ADGRG7: variants seen among roughly 807,000 people sequenced by gnomAD.
The protein encoded by ADGRG7 is adhesion G protein-coupled receptor G7.
In ADGRG7, 82 loss-of-function variants were observed where a neutral mutation model predicts 88.6. The ratio of observed to expected loss-of-function variants is 0.93; its 90% CI spans 0.77 to 1.11. The LOEUF (loss-of-function observed/expected upper bound fraction) is 1.11, where lower values mean the gene tolerates loss of function less well. ADGRG7 is among the 50% of genes most tolerant of loss of function. The pLI is 0.00. For missense variants in ADGRG7, 945 were observed against 953.4 expected (o/e 0.99, Z 0.12); for synonymous variants, 381 against 345.2 (o/e 1.10, Z -1.15).
chr3:100,691,795 G>A (rs1265497129), intron 15 of ADGRG7, among the ~76,000 whole-genome samples: 1 of 151,348 alleles, frequency 6.6e-6, no homozygotes, highest in Non-Finnish European at 1.5e-5. Context: ...TAAAAATATT[G>A]TTTTGTAAAT....
intron 1 of ADGRG7, among the ~76,000 whole-genome samples, chr3:100,620,461 G>C (rs1707295346): frequency 6.6e-6 from 1 of 152,168 alleles, no homozygotes; most frequent in South Asian, 2.1e-4. Flanking sequence ...CATACTGAAT[G>C]GGCAAAAACT....
chr3:100,668,073 G>A (rs182531671), intron 14 of ADGRG7, among the ~76,000 whole-genome samples: 2 of 152,280 alleles, frequency 1.3e-5, no homozygotes, highest in East Asian at 3.9e-4. Flanking sequence ...CAGGTGAGGT[G>A]ACACCCCACC....
intron 15 of ADGRG7, among the ~76,000 whole-genome samples, chr3:100,682,371 G>A (rs954884578): frequency 5.9e-5 from 9 of 152,310 alleles, no homozygotes; most frequent in South Asian, 2.1e-4. Flanking sequence ...CAGGGGACCG[G>A]GGTGGGAAGT....
At chr3:100,684,574 G>C (rs1576339528) in intron 15 of ADGRG7, among the ~76,000 whole-genome samples, 1 of 152,042 alleles carries the variant, frequency 6.6e-6, no homozygotes, top group African/African-American at 2.4e-5. Flanking sequence ...GGCCAGTTTT[G>C]CCATTTTATT....
intron 1 of ADGRG7, among the ~76,000 whole-genome samples, chr3:100,610,704 G>A (rs1011200708): frequency 6.6e-6 from 1 of 152,166 alleles, no homozygotes; most frequent in Admixed American, 6.5e-5. Context: ...TTGGGCTGTA[G>A]AGCTTCTCCG....
At position 100,678,354 on chromosome 3, in the gene ADGRG7, T is replaced by C. The variant is rs549369618; in HGVS notation, c.2136+9249T>C. On this transcript the variant is annotated intron_variant, in intron 15 of 15. Coordinates refer to ENST00000273352, the MANE Select transcript of ADGRG7 (RefSeq NM_032787.3). ...TCTCTGTGTTATCTTGAATTTTTGT[T>C]GTGCTTCCTCAAAATAGCTATTTTG... 2.0e-5 allele frequency among the ~76,000 whole-genome samples: 3 copies of C among 152,296 alleles called. No individual in the cohort carries two copies. In the South Asian group the frequency reaches 6.2e-4, roughly 32 times the overall value.
intron 1 of ADGRG7, among the ~76,000 whole-genome samples, chr3:100,616,581 C>G (rs576294167): frequency 6.6e-6 from 1 of 152,238 alleles, no homozygotes; most frequent in South Asian, 2.1e-4. Flanking sequence ...GGAGCTCAGG[C>G]TGGAGTGTCA....
chr3:100,688,999 T>C lies in ADGRG7; in HGVS notation c.2137-5745T>C, dbSNP rs190792976. Among the ~76,000 whole-genome samples, 376 of 152,292 alleles carry C rather than the reference T, an allele frequency of 2.5e-3. 3 individuals are homozygous for C. Among genetic ancestry groups the C allele is most frequent in the African/African-American group, 8.6e-3 (357 of 41,548 alleles). On this transcript the variant is annotated intron_variant, in intron 15 of 15. Transcript: ENST00000273352. ...GGGTGTTAAAATCTCCCGTTATTATTGTGTGGGAGTCTAAGTCTCTTTGTA... is the reference window on the plus strand; with the variant it reads ...GGGTGTTAAAATCTCCCGTTATTATCGTGTGGGAGTCTAAGTCTCTTTGTA...
At chr3:100,674,695 A>C (rs998029940) in intron 15 of ADGRG7, among the ~76,000 whole-genome samples, 7 of 151,638 alleles carry the variant, frequency 4.6e-5, no homozygotes, top group Admixed American at 2.6e-4. Flanking sequence ...CTCCTGCCTC[A>C]GCCTCCTGAG....
chr3:100,654,742 A>C, intron 11 of ADGRG7, 93 bp from the exon 12 acceptor site: 1 of 751,178 alleles, frequency 1.3e-6, no homozygotes, highest in African/African-American at 1.8e-5. Flanking sequence ...ATTGGGCAAT[A>C]ATATTCTTTG....
chr3:100,643,293 C>T lies in ADGRG7; in HGVS notation c.726C>T (p.Ser242=). Residue 242 remains serine, a synonymous_variant, in exon 7 of 16, where the codon TCC becomes TCT. Transcript: ENST00000273352. ...TTLIEQMETY[S]LSLGNQSVVE... is the part of the protein sequence containing the mutation. ...TTATTGAGCAAATGGAGACTTATTC[C>T]TTGTCTTTGGGTAATCAATCAGTGG... The T allele has an allele frequency of 6.2e-7, 1 of 1,613,334 alleles. No homozygotes were observed. The highest frequency in any genetic ancestry group is 8.5e-7 in the Non-Finnish European group (1 of 1,179,656).
chr3:100,616,517 A>G (rs1005568988), intron 1 of ADGRG7, among the ~76,000 whole-genome samples: 1 of 152,226 alleles, frequency 6.6e-6, no homozygotes, highest in Non-Finnish European at 1.5e-5. Flanking sequence ...AAAGGAGGTT[A>G]GAAATCATTA....
chr3:100,660,884 G>A (rs374164878), intron 14 of ADGRG7, among the ~76,000 whole-genome samples: 3 of 151,882 alleles, frequency 2.0e-5, no homozygotes, highest in African/African-American at 7.2e-5. Context: ...CCCAGGAGGT[G>A]GAGGTTGTGG....
At chr3:100,690,750 C>T (rs568905139) in intron 15 of ADGRG7, among the ~76,000 whole-genome samples, 64 of 149,234 alleles carry the variant, frequency 4.3e-4, no homozygotes, top group Admixed American at 8.6e-4. Flanking sequence ...GAGGAGTACC[C>T]GGCCATGTGA....
In ADGRG7 at chr3:100,626,868, G is replaced by T. The variant is rs144820461; in HGVS notation, c.116-2730G>T. ...TTCCAAGAATTTTATAATTTTTGAT[G>T]CTATTTTAAATGAAAATGATTTATG... On this transcript the variant is annotated intron_variant, in intron 1 of 15. Transcript: ENST00000273352. Among the ~76,000 whole-genome samples the T allele has an allele frequency of 1.1e-4, 16 of 152,260 alleles. No individual in the cohort carries two copies. The East Asian group carries it at 2.3e-3, about 22-fold the overall frequency.
chr3:100,659,801 T>TACATACATACATACATACA lies in ADGRG7; in HGVS notation c.1937_1938insACATACATACATACATACA (p.Ser647HisfsTer15). On this transcript the variant is annotated frameshift_variant, in exon 14 of 16. Coordinates refer to ENST00000273352, the MANE Select transcript of ADGRG7 (RefSeq NM_032787.3). LOFTEE classifies it high-confidence loss of function. ...AGCAATGTTGTTATGTTTATTACAA[T>TACATACATACATACATACA]CTCGATCAAAGTGCTGTGGAAGAAT... is the stretch of plus-strand genomic sequence containing the variant. 2 of 1,613,924 alleles carry TACATACATACATACATACA rather than the reference T, an allele frequency of 1.2e-6. No individual in the cohort carries two copies. The highest frequency in any genetic ancestry group is 8.5e-7 in the Non-Finnish European group (1 of 1,179,920).
chr3:100,646,168 GCAGCTGAGACTGAGTAGAGTAATACA>G, intron 9 of ADGRG7, 60 bp downstream of exon 9: 1 of 1,199,604 alleles, frequency 8.3e-7, no homozygotes, highest in Non-Finnish European at 1.1e-6. Context: ...TCTGATGGTG[GCAGCTGAGACTGAGTAGAGTAATACA>G]GGGGAAGAAG....
chr3:100,678,405 T>A (rs2094968462), intron 15 of ADGRG7, among the ~76,000 whole-genome samples: 1 of 152,212 alleles, frequency 6.6e-6, no homozygotes, highest in African/African-American at 2.4e-5. Flanking sequence ...AGGTGACATA[T>A]CTCTGTCTCT....
intron 1 of ADGRG7, among the ~76,000 whole-genome samples, chr3:100,611,244 T>TCC (rs1707144711): frequency 3.1e-5 from 2 of 64,806 alleles, no homozygotes; most frequent in Non-Finnish European, 4.9e-5. Context: ...TTTGTTTGTT[T>TCC]TTCCTTCCTT....
Sources: allele counts gnomAD v4.1 joint callset (sites outside exome capture counted in the v4.1 genomes callset), GRCh38; gene constraint gnomAD v4.1.1; transcripts MANE v1.5; gene names NCBI Gene and HGNC (gene_info 2026-07-23, HGNC 2026-07-21).